The following ARSG variants were observed in gnomAD, a reference collection of about 807,000 sequenced individuals.
ARSG encodes the protein arylsulfatase G.
ARSG carries 37 observed loss-of-function variants against 50.5 expected under a neutral mutation model. The observed-to-expected ratio is 0.73, with a 90% CI of 0.56 to 0.96. ARSG has a LOEUF of 0.96. Among genes scored for constraint, ARSG ranks in the 50% least tolerant of loss-of-function variants. The pLI is 0.00. For missense variants in ARSG, 629 were observed against 675.3 expected (o/e 0.93, Z 0.76); for synonymous variants, 225 against 254.6 (o/e 0.88, Z 1.11).
At chr17:68,435,820 C>G in the ARSG span, 1 of 970,856 alleles carries the variant, frequency 1.0e-6, no homozygotes, top group Non-Finnish European at 1.6e-6. Context: ...GTCCAGCTCC[C>G]TGTCTCTTCC....
chr17:68,308,309 G>A (rs1299822023), intron 2 of ARSG, among the ~76,000 whole-genome samples: 1 of 152,164 alleles, frequency 6.6e-6, no homozygotes, highest in East Asian at 1.9e-4. Flanking sequence ...AAGGTGGCAC[G>A]TCTGGAGTTT....
intron 1 of ARSG, among the ~76,000 whole-genome samples, chr17:68,302,426 G>A (rs191253429): frequency 3.2e-4 from 49 of 152,302 alleles, no homozygotes; most frequent in Admixed American, 1.6e-3. Flanking sequence ...TTCTCTAGGA[G>A]GATGCTTGGC....
chr17:68,420,732 G>C lies in ARSG; in HGVS notation c.*269G>C. 2.1e-6 allele frequency: 1 copy of C among 476,192 alleles called. No homozygotes were observed. Among genetic ancestry groups the C allele is most frequent in the South Asian group, 3.2e-5 (1 of 31,364 alleles). 29.5% of individuals were successfully genotyped at this position (476,192 alleles called of 1,614,324 possible). On this transcript the variant is annotated 3_prime_UTR_variant, in exon 12 of 12. Transcript: ENST00000621439. The stretch of plus-strand genomic sequence containing the variant: ...GGCACAGGTGCCAGCTCCAGCTTTT[G>C]AACTTGGGCAATTGTTTAACCTAAC...
the ARSG span, among the ~76,000 whole-genome samples, chr17:68,448,813 T>A: frequency 6.6e-6 from 1 of 152,356 alleles, no homozygotes; most frequent in African/African-American, 2.4e-5. Flanking sequence ...CAGATTTCAG[T>A]GAAAACACCT....
chr17:68,397,096 TC>T, intron 10 of ARSG, among the ~76,000 whole-genome samples: 1 of 152,166 alleles, frequency 6.6e-6, no homozygotes. Context: ...TGTACTAACT[TC>T]CTTTCTCAGA....
chr17:68,378,436 T>G lies in ARSG; in HGVS notation c.983-6628T>G, dbSNP rs2080262358. Among the ~76,000 whole-genome samples the G allele has an allele frequency of 6.6e-6, 1 of 152,158 alleles. No homozygotes were observed. Among genetic ancestry groups the G allele is most frequent in the Admixed American group, 6.5e-5 (1 of 15,276 alleles). ...GCTCAGCTGATGGGATGAGGCAGCG[T>G]CTCCTGGAGTCATCTTTTCACCCCG... On this transcript the variant is annotated intron_variant, in intron 8 of 11. Coordinates refer to ENST00000621439, the MANE Select transcript of ARSG (RefSeq NM_001267727.2). This position sits in a 1 kb window ranked among gnomAD's most constrained non-coding sequence, Gnocchi z 4.4.
intron 6 of ARSG, chr17:68,359,777 G>C (rs1049641506): frequency 2.6e-5 from 4 of 152,366 alleles, no homozygotes; most frequent in African/African-American, 9.6e-5. Context: ...TTTAAGGATT[G>C]AATCTCAAAA....
In ARSG at chr17:68,313,441, CG is replaced by C. The variant is rs1362520784; in HGVS notation, c.218+5731del. Among the ~76,000 whole-genome samples, 3 of 152,066 alleles carry C rather than the reference CG, an allele frequency of 2.0e-5. No homozygotes were observed. In the East Asian group the frequency reaches 5.8e-4, roughly 29 times the overall value. ...TTCTGGGCTTCTAGACTCCTATCTCCGCCTCAGTTGTTATGAGGCGTTCTTT... is the reference window on the plus strand; with the variant it reads ...TTCTGGGCTTCTAGACTCCTATCTCCCCTCAGTTGTTATGAGGCGTTCTTT... On this transcript the variant is annotated intron_variant, in intron 2 of 11. Transcript: ENST00000621439.
chr17:68,441,416 A>G, the ARSG span, among the ~76,000 whole-genome samples: 1 of 152,246 alleles, frequency 6.6e-6, no homozygotes, highest in Non-Finnish European at 1.5e-5. Flanking sequence ...CAATTAGACG[A>G]GTGATTGTGT....
chr17:68,435,765 A>C, the ARSG span: 1 of 1,514,930 alleles, frequency 6.6e-7, no homozygotes, highest in Non-Finnish European at 9.2e-7. Flanking sequence ...GGGAAGATGG[A>C]TTTCACCTCC....
chr17:68,315,316 A>G (rs2077028560), intron 2 of ARSG, among the ~76,000 whole-genome samples: 1 of 152,078 alleles, frequency 6.6e-6, no homozygotes. Flanking sequence ...TCGAGGCGGA[A>G]GGATTGCTTG....
chr17:68,413,533 C>T (rs1206742187), intron 11 of ARSG: 1 of 152,100 alleles, frequency 6.6e-6, no homozygotes, highest in Non-Finnish European at 1.5e-5. Flanking sequence ...CAGACAGGGA[C>T]ATTTAAGTCT....
chr17:68,380,153 T>A (rs561480908), intron 8 of ARSG, among the ~76,000 whole-genome samples: 1 of 152,254 alleles, frequency 6.6e-6, no homozygotes, highest in Admixed American at 6.5e-5. Flanking sequence ...ATAGAAAATA[T>A]ATTTTGTCTT....
chr17:68,351,656 C>T lies in ARSG; in HGVS notation c.536C>T (p.Pro179Leu), dbSNP rs2078768902. The T allele has an allele frequency of 6.2e-7, 1 of 1,613,444 alleles. No individual in the cohort carries two copies. Among genetic ancestry groups the T allele is most frequent in the Non-Finnish European group, 8.5e-7 (1 of 1,179,506 alleles). Residue 179 changes from proline to leucine, a missense_variant, in exon 5 of 12, where the codon CCA becomes CTA. Transcript: ENST00000621439. ...DTPGYNHPPC[P>L]ACPQGDGPSR... ...CCAGGCTACAACCACCCTCCTTGTCCAGCGTGTCCACAGGGTGATGGACCA... is the reference window on the plus strand; with the variant it reads ...CCAGGCTACAACCACCCTCCTTGTCTAGCGTGTCCACAGGGTGATGGACCA...
chr17:68,291,935 C>T (rs552419204), intron 1 of ARSG, among the ~76,000 whole-genome samples: 1 of 151,922 alleles, frequency 6.6e-6, no homozygotes, highest in Admixed American at 6.5e-5. Context: ...GGCTTCGCGC[C>T]CGCCCCGGGC....
chr17:68,349,227 G>A (rs1279880080), intron 4 of ARSG, among the ~76,000 whole-genome samples: 1 of 152,088 alleles, frequency 6.6e-6, no homozygotes, highest in South Asian at 2.1e-4. Context: ...GAACCCAGGA[G>A]GTGGAGGTTG....
Position 68,271,049 on chromosome 17 carries a change from C to A in ARSG, c.-552+11623C>A. ...GCAAAAGTAAAGGCAAACAGAGACA[C>A]AGTCAATAAGATGACGCAGATGAGC... On this transcript the variant is annotated intron_variant, in intron 1 of 11. Coordinates refer to the ARSG transcript ENST00000448504. This position sits in a 1 kb window ranked among gnomAD's most constrained non-coding sequence, Gnocchi z 5.3. 1 of 1,614,210 alleles carries A rather than the reference C, an allele frequency of 6.2e-7. No individual in the cohort carries two copies. Among genetic ancestry groups the A allele is most frequent in the South Asian group, 1.1e-5 (1 of 91,082 alleles).
chr17:68,294,485 A>C (rs1453985447), intron 1 of ARSG, among the ~76,000 whole-genome samples: 1 of 152,158 alleles, frequency 6.6e-6, no homozygotes, highest in Non-Finnish European at 1.5e-5. Context: ...GACTGAAAGG[A>C]ATCTGGTCTG....
chr17:68,360,974 G>A (rs928955649), intron 6 of ARSG, among the ~76,000 whole-genome samples: 10 of 151,992 alleles, frequency 6.6e-5, no homozygotes, highest in African/African-American at 9.7e-5. Context: ...ACAGGCGCCC[G>A]CCACCACACC....
Sources: allele counts gnomAD v4.1 joint callset (sites outside exome capture counted in the v4.1 genomes callset), GRCh38; gene constraint gnomAD v4.1.1; non-coding constraint Gnocchi (gnomAD v3.1); transcripts MANE v1.5; gene names NCBI Gene and HGNC (gene_info 2026-07-23, HGNC 2026-07-21).